IFT88: variants seen among roughly 807,000 people sequenced by gnomAD.
The protein encoded by IFT88 is intraflagellar transport protein 88 homolog.
A neutral mutation model predicts 119.5 loss-of-function variants in IFT88; 74 were observed. The observed-to-expected ratio is 0.62, with a 90% confidence interval of 0.51 to 0.75. IFT88 has a LOEUF of 0.75. IFT88 is among the 30% of genes least tolerant of loss of function. The pLI is 0.00. For synonymous variants in IFT88, 279 were observed against 316.7 expected (o/e 0.88, Z 1.26); for missense variants, 961 against 977.7 (o/e 0.98, Z 0.23).
At chr13:20,578,468 T>C (rs116001936) in intron 2 of IFT88, among the ~76,000 whole-genome samples, 1,923 of 151,860 alleles carry the variant, frequency 0.013, 39 homozygotes, top group African/African-American at 0.045. Flanking sequence ...TAGGAATTTA[T>C]CTCTTTCTTC....
intron 13 of IFT88, among the ~76,000 whole-genome samples, chr13:20,609,734 ACT>A (rs751697212): frequency 5.3e-5 from 8 of 152,026 alleles, no homozygotes; most frequent in Non-Finnish European, 1.0e-4. Flanking sequence ...ATAGAGTGAG[ACT>A]CTGTCTCAAA....
At chr13:20,571,594 A>C (rs900015484) in intron 1 of IFT88, among the ~76,000 whole-genome samples, 11 of 152,174 alleles carry the variant, frequency 7.2e-5, no homozygotes, top group Non-Finnish European at 1.5e-5. Context: ...TGAATCTTGA[A>C]ATTTTACATT....
At chr13:20,604,129 C>T (rs188977512) in intron 12 of IFT88, among the ~76,000 whole-genome samples, 32 of 152,196 alleles carry the variant, frequency 2.1e-4, no homozygotes, top group Non-Finnish European at 3.5e-4. Context: ...GTAGTCCCAC[C>T]TACTCGAGAA....
intron 22 of IFT88, among the ~76,000 whole-genome samples, chr13:20,661,045 T>A (rs1031640702): frequency 2.0e-5 from 3 of 152,202 alleles, no homozygotes; most frequent in Non-Finnish European, 4.4e-5. Flanking sequence ...TTACCAACTA[T>A]TTTTTATGTG....
At chr13:20,674,284 G>A (rs569601903) in intron 24 of IFT88, among the ~76,000 whole-genome samples, 1 of 152,144 alleles carries the variant, frequency 6.6e-6, no homozygotes, top group Non-Finnish European at 1.5e-5. Flanking sequence ...CTGATGAGGG[G>A]AATAACTATA....
At chr13:20,635,449 C>G (rs2048883488) in intron 16 of IFT88, among the ~76,000 whole-genome samples, 1 of 152,160 alleles carries the variant, frequency 6.6e-6, no homozygotes, top group Admixed American at 6.5e-5. Flanking sequence ...GATTCTGAAA[C>G]CTAGCAAAGC....
intron 13 of IFT88, chr13:20,608,148 A>G (rs1015859757): frequency 1.6e-5 from 7 of 430,238 alleles, no homozygotes; most frequent in Non-Finnish European, 2.8e-5. Context: ...AACCACTATG[A>G]CTTGTAGAGT....
chr13:20,597,302 T>C (rs941144546), intron 9 of IFT88, among the ~76,000 whole-genome samples, 183 bp downstream of exon 9: 1 of 152,178 alleles, frequency 6.6e-6, no homozygotes, highest in African/African-American at 2.4e-5. Flanking sequence ...CTCTTTTCTT[T>C]AGTTATTTAA....
Position 20,567,741 on chromosome 13 carries a change from G to C in IFT88, c.-7+485G>C, listed in dbSNP as rs1046586235. 7 of 1,310,098 alleles carry C rather than the reference G, an allele frequency of 5.3e-6. No homozygotes were observed. In the South Asian group the frequency reaches 1.2e-4, roughly 22 times the overall value. The allele number at this position is 1,310,098 out of a possible 1,614,324, so 81.2% of individuals were successfully genotyped here. On this transcript the variant is annotated intron_variant, in intron 1 of 25. Coordinates refer to ENST00000351808, the MANE Select transcript of IFT88 (RefSeq NM_006531.5). Reference sequence around the variant, plus strand: ...ATAAAAGTACACAACAATGCAGAAAGCGGTACTTAGCCTCACAAAGATGGA... The same window carrying C: ...ATAAAAGTACACAACAATGCAGAAACCGGTACTTAGCCTCACAAAGATGGA...
chr13:20,666,903 A>G (rs1378806579), intron 23 of IFT88, among the ~76,000 whole-genome samples: 2 of 152,222 alleles, frequency 1.3e-5, no homozygotes, highest in African/African-American at 4.8e-5. Flanking sequence ...ACAAATATAT[A>G]CAAACATATA....
intron 7 of IFT88, 70 bp downstream of exon 7, chr13:20,592,474 C>A (rs1442503859): frequency 1.7e-5 from 21 of 1,266,928 alleles, no homozygotes; most frequent in Admixed American, 2.2e-5. Flanking sequence ...TCCAAATACA[C>A]AATTTTTTTT....
At chr13:20,602,206 CTTTTT>C (rs11458148) in intron 12 of IFT88, among the ~76,000 whole-genome samples, 1 of 118,186 alleles carries the variant, frequency 8.5e-6, no homozygotes, top group Non-Finnish European at 1.7e-5. Flanking sequence ...AGCATAATAT[CTTTTT>C]TTTTTTTTTT....
intron 7 of IFT88, among the ~76,000 whole-genome samples, chr13:20,594,575 T>A (rs1366805316): frequency 2.6e-5 from 4 of 152,212 alleles, no homozygotes; most frequent in Admixed American, 6.5e-5. Context: ...TAAGTTACTT[T>A]CAGTGTCTTC....
At chr13:20,679,452 G>C (rs1295659302) in intron 24 of IFT88, among the ~76,000 whole-genome samples, 2 of 152,192 alleles carry the variant, frequency 1.3e-5, no homozygotes. Context: ...AAAATCTATC[G>C]AAGAATTTCA....
chr13:20,625,058 C>T lies in IFT88; in HGVS notation c.1200-692C>T, dbSNP rs182788409. 7.6e-3 allele frequency among the ~76,000 whole-genome samples: 1,155 copies of T among 152,266 alleles called. 17 individuals carry two copies. Among genetic ancestry groups the T allele is most frequent in the African/African-American group, 0.027 (1,111 of 41,542 alleles). On this transcript the variant is annotated intron_variant, in intron 14 of 25. Transcript: ENST00000351808. ...TCTTCCCAGTCCCACCACCCCCTATCTCTTCTGTTATTGAAGTAAGAGTCG... is the reference window on the plus strand; with the variant it reads ...TCTTCCCAGTCCCACCACCCCCTATTTCTTCTGTTATTGAAGTAAGAGTCG...
chr13:20,602,353 C>T (rs542446827), intron 12 of IFT88, among the ~76,000 whole-genome samples: 2 of 151,824 alleles, frequency 1.3e-5, no homozygotes, highest in Non-Finnish European at 1.5e-5. Flanking sequence ...TACAGGCATG[C>T]GCCACCATGC....
At chr13:20,653,974 C>G (rs775388814) in intron 21 of IFT88, 46 bp downstream of exon 21, 1 of 1,152,554 alleles carries the variant, frequency 8.7e-7, no homozygotes, top group Non-Finnish European at 1.3e-6. Context: ...TTGCTTCTTT[C>G]CTTTTAGGTA....
rs148811633 is a variant in IFT88, at chr13:20,672,899, A to G, written c.2242+1860A>G. Among the ~76,000 whole-genome samples the G allele has an allele frequency of 9.7e-4, 147 of 152,300 alleles. 1 individual carries two copies. Among genetic ancestry groups the G allele is most frequent in the African/African-American group, 3.3e-3 (138 of 41,556 alleles). On this transcript the variant is annotated intron_variant, in intron 24 of 25. Coordinates refer to ENST00000351808, the MANE Select transcript of IFT88 (RefSeq NM_006531.5). ...GATGGAGGGTCATGGATGTGTACCA[A>G]AAATGTTCTTAACAGCCAAGAAGTC...
chr13:20,683,618 AT>A (rs766699534), intron 24 of IFT88, among the ~76,000 whole-genome samples: 5 of 152,160 alleles, frequency 3.3e-5, no homozygotes, highest in Non-Finnish European at 7.3e-5. Context: ...GGCCATGCGG[AT>A]GGCCAGTGCT....
Sources: allele counts gnomAD v4.1 joint callset (sites outside exome capture counted in the v4.1 genomes callset), GRCh38; gene constraint gnomAD v4.1.1; transcripts MANE v1.5; gene names NCBI Gene and HGNC (gene_info 2026-07-23, HGNC 2026-07-21).